Variants in SLAMF9 observed in about 807,000 individuals in gnomAD.
SLAMF9 encodes CD2 family member 10.
A neutral mutation model predicts 30.4 loss-of-function variants in SLAMF9; 25 were observed. That is an observed-to-expected ratio of 0.82 (90% CI 0.60 to 1.15). SLAMF9 has a LOEUF of 1.15. Ranked by LOEUF, SLAMF9 falls within the 50% of genes most tolerant of loss-of-function variation. The pLI, the probability that SLAMF9 is intolerant of heterozygous loss-of-function variation, is 0.00. For synonymous variants in SLAMF9, 129 were observed against 127.2 expected (o/e 1.01, Z -0.09); for missense variants, 344 against 346.1 (o/e 0.99, Z 0.05).
At chr1:159,980,818 G>A in the SLAMF9 span, among the ~76,000 whole-genome samples, 3 of 152,220 alleles carry the variant, frequency 2.0e-5, no homozygotes, top group African/African-American at 7.2e-5. Context: ...TGGGATTACA[G>A]GCGTAAGCCA....
the SLAMF9 span, among the ~76,000 whole-genome samples, chr1:159,977,528 T>C: frequency 2.0e-5 from 3 of 152,216 alleles, no homozygotes; most frequent in Non-Finnish European, 2.9e-5. Context: ...TAGCTCCCTA[T>C]AGGGCCAGTG....
chr1:159,974,178 C>T, the SLAMF9 span: 40 of 733,050 alleles, frequency 5.5e-5, no homozygotes, highest in African/African-American at 2.5e-4. Flanking sequence ...TGGATGGTAC[C>T]GGTGCAGTGT....
the SLAMF9 span, among the ~76,000 whole-genome samples, chr1:159,976,074 A>G: frequency 7.4e-6 from 1 of 135,458 alleles, no homozygotes; most frequent in Admixed American, 8.0e-5. Flanking sequence ...TCAAGGAAGG[A>G]GTATAGGTTG....
the SLAMF9 span, chr1:159,983,547 TAA>T: frequency 5.9e-5 from 9 of 152,240 alleles, no homozygotes; most frequent in African/African-American, 2.2e-4. Flanking sequence ...TGAGTTAATT[TAA>T]GTTAGTTTCT....
the SLAMF9 span, among the ~76,000 whole-genome samples, chr1:159,970,440 C>T: frequency 6.6e-6 from 1 of 152,180 alleles, no homozygotes; most frequent in Non-Finnish European, 1.5e-5. Flanking sequence ...AAAATGCCTC[C>T]CAGTGGTAGG....
At chr1:159,983,808 T>A in the SLAMF9 span, 1 of 152,216 alleles carries the variant, frequency 6.6e-6, no homozygotes, top group East Asian at 1.9e-4. Flanking sequence ...CCCTTCAAAA[T>A]GCGAAGCAAA....
Position 159,954,170 on chromosome 1 carries a change from A to G in SLAMF9, c.-33T>C, listed in dbSNP as rs536984854. ...GCCCCCAGCCCCAGAGGTGTGATTC[A>G]GTCAGTCAGTCCCCAGGACTGTGCA... On this transcript the variant is annotated 5_prime_UTR_variant, in exon 1 of 4. It removes the in-frame stop codon of an upstream open reading frame in the 5' UTR. Coordinates refer to ENST00000368093, the MANE Select transcript of SLAMF9 (RefSeq NM_033438.4). 4 of 1,613,362 alleles carry G rather than the reference A, an allele frequency of 2.5e-6. No individual in the cohort carries two copies. In the East Asian group the frequency reaches 8.9e-5, roughly 36 times the overall value.
At chr1:159,975,842 G>C in the SLAMF9 span, among the ~76,000 whole-genome samples, 5 of 152,150 alleles carry the variant, frequency 3.3e-5, no homozygotes, top group Non-Finnish European at 7.4e-5. Context: ...AGGAATTCAG[G>C]ATAATAGGAA....
At chr1:159,957,698 C>G (rs555786691), upstream of SLAMF9, among the ~76,000 whole-genome samples, 1 of 152,114 alleles carries the variant, frequency 6.6e-6, no homozygotes, top group Non-Finnish European at 1.5e-5. Context: ...ACAACACTTA[C>G]GTTAATTAGC....
At chr1:159,971,502 AC>A in the SLAMF9 span, among the ~76,000 whole-genome samples, 1 of 152,022 alleles carries the variant, frequency 6.6e-6, no homozygotes, top group African/African-American at 2.4e-5. Flanking sequence ...TCTAGCAGGG[AC>A]CCTCTGTGCT....
the SLAMF9 span, among the ~76,000 whole-genome samples, chr1:159,980,963 G>C: frequency 6.6e-6 from 1 of 152,232 alleles, no homozygotes; most frequent in South Asian, 2.1e-4. Flanking sequence ...ACAGGAAGGA[G>C]AAGCCTGCAT....
chr1:159,967,408 A>G, the SLAMF9 span, among the ~76,000 whole-genome samples: 3 of 152,196 alleles, frequency 2.0e-5, no homozygotes, highest in Non-Finnish European at 2.9e-5. Flanking sequence ...AGGCTTTTGG[A>G]ACCTTTGTCA....
At chr1:159,952,587 T>G (rs1367517028) in intron 2 of SLAMF9, 53 bp from the exon 3 acceptor site, 4 of 1,584,562 alleles carry the variant, frequency 2.5e-6, no homozygotes, top group Non-Finnish European at 3.4e-6. Flanking sequence ...ATCGGGTCTG[T>G]TTTCCTAAGC....
At chr1:159,959,222 G>A (rs1346964886), upstream of SLAMF9, among the ~76,000 whole-genome samples, 4 of 152,126 alleles carry the variant, frequency 2.6e-5, no homozygotes, top group Non-Finnish European at 4.4e-5. Context: ...CTCACAGATG[G>A]CTAAGATGAA....
At chr1:159,975,547 C>T in the SLAMF9 span, among the ~76,000 whole-genome samples, 1 of 151,980 alleles carries the variant, frequency 6.6e-6, no homozygotes, top group African/African-American at 2.4e-5. Flanking sequence ...ACTCAAACTA[C>T]ACCAGAGCAG....
intron 3 of SLAMF9, 69 bp downstream of exon 3, chr1:159,952,193 G>A: frequency 1.3e-6 from 2 of 1,560,854 alleles, no homozygotes; most frequent in Non-Finnish European, 8.8e-7. Context: ...GGAAGAGCTG[G>A]GGGAGGGAGA....
the SLAMF9 span, among the ~76,000 whole-genome samples, chr1:159,973,614 G>C: frequency 6.6e-6 from 1 of 152,162 alleles, no homozygotes; most frequent in Non-Finnish European, 1.5e-5. Context: ...GGCTACATGT[G>C]TCCCCCATGG....
chr1:159,979,056 C>G, the SLAMF9 span: 3 of 152,168 alleles, frequency 2.0e-5, no homozygotes, highest in Admixed American at 2.0e-4. Context: ...AAATGTGTCT[C>G]GTCAATGCTG....
the SLAMF9 span, among the ~76,000 whole-genome samples, chr1:159,971,072 G>T: frequency 7.2e-5 from 11 of 152,122 alleles, no homozygotes; most frequent in Non-Finnish European, 1.3e-4. Context: ...TAAATCACAC[G>T]CTGCCCACGT....
Sources: gnomAD v4.1 joint callset for allele counts (sites outside exome capture counted in the v4.1 genomes callset) on GRCh38, gnomAD v4.1.1 for gene constraint, MANE v1.5 for transcripts, NCBI Gene and HGNC (gene_info 2026-07-23, HGNC 2026-07-21) for gene names.